NDUFS1: variants seen among roughly 807,000 people sequenced by gnomAD.
NDUFS1 encodes NADH:ubiquinone oxidoreductase core subunit S1, also known as NADH-ubiquinone oxidoreductase 75 kDa subunit, mitochondrial.
In NDUFS1, 61 loss-of-function variants were observed where a neutral mutation model predicts 84.4. That is an observed-to-expected ratio of 0.72 (90% CI 0.59 to 0.89). NDUFS1 has a LOEUF of 0.89. Ranked by LOEUF, NDUFS1 falls within the 40% of genes least tolerant of loss-of-function variation. The pLI is 0.00. For synonymous variants in NDUFS1, 275 were observed against 290.0 expected (o/e 0.95, Z 0.53); for missense variants, 891 against 890.0 (o/e 1.00, Z -0.01).
At chr2:206,153,710 T>C (rs773469772) in intron 1 of NDUFS1, 28 bp from the exon 2 acceptor site, 12 of 1,244,028 alleles carry the variant, frequency 9.6e-6, no homozygotes, top group Middle Eastern at 2.3e-4. Context: ...AATTATATTA[T>C]TGTAGGGAAA....
intron 10 of NDUFS1, among the ~76,000 whole-genome samples, chr2:206,143,586 C>CTT (rs202112175): frequency 4.1e-5 from 6 of 144,738 alleles, no homozygotes; most frequent in Non-Finnish European, 7.6e-5. Flanking sequence ...AGGAAGGCAG[C>CTT]TTTTTTTTTT....
chr2:206,145,337 G>A (rs1256794807), intron 8 of NDUFS1, among the ~76,000 whole-genome samples: 1 of 151,978 alleles, frequency 6.6e-6, no homozygotes, highest in African/African-American at 2.4e-5. Context: ...TGCTGACCAG[G>A]CTGGTCTTGA....
chr2:206,115,115 C>G lies in NDUFS1; in HGVS notation c.*9070G>C, dbSNP rs1286655380. Reference sequence around the variant, plus strand: ...GTACATCCTTTGTCTCATGATGAATCATGCCTTGAGTCTCACTCATATCTG... The same window carrying G: ...GTACATCCTTTGTCTCATGATGAATGATGCCTTGAGTCTCACTCATATCTG... On this transcript the variant is annotated 3_prime_UTR_variant, in exon 19 of 19. Transcript: ENST00000233190. The G allele has an allele frequency of 6.6e-6, 1 of 152,184 alleles. No individual in the cohort carries two copies. The highest frequency in any genetic ancestry group is 1.5e-5 in the Non-Finnish European group (1 of 68,046). 9.4% of individuals were successfully genotyped at this position (152,184 alleles called of 1,614,324 possible). A position where few individuals can be genotyped will look rare whatever the true frequency, so the allele number is the denominator to read the frequency against.
At chr2:206,132,317 C>T (rs2105951740) in intron 14 of NDUFS1, among the ~76,000 whole-genome samples, 1 of 151,746 alleles carries the variant, frequency 6.6e-6, no homozygotes, top group East Asian at 2.0e-4. Context: ...GGTGCAGTGG[C>T]TCACGCTTAT....
At chr2:206,144,293 GAACT>G (rs1227970430) in intron 9 of NDUFS1, among the ~76,000 whole-genome samples, 161 bp from the exon 10 acceptor site, 1 of 152,100 alleles carries the variant, frequency 6.6e-6, no homozygotes, top group Non-Finnish European at 1.5e-5. Flanking sequence ...TTTTAGAGAT[GAACT>G]AATAGATTTT....
At chr2:206,127,144 T>G (rs1408829650) in intron 16 of NDUFS1, among the ~76,000 whole-genome samples, 2 of 152,256 alleles carry the variant, frequency 1.3e-5, no homozygotes, top group Non-Finnish European at 2.9e-5. Context: ...CAATGTGTTA[T>G]TATTTTAAAA....
chr2:206,115,986 A>G lies in NDUFS1; in HGVS notation c.*8199T>C, dbSNP rs1690933543. The G allele has an allele frequency of 1.4e-6, 1 of 721,962 alleles. No homozygotes were observed. The highest frequency in any genetic ancestry group is 2.6e-6 in the Non-Finnish European group (1 of 388,144). The allele number at this position is 721,962 out of a possible 1,614,324, so 44.7% of individuals were successfully genotyped here. A position where few individuals can be genotyped will look rare whatever the true frequency, so the allele number is the denominator to read the frequency against. ...ATCTTCTTTCATTAGCAGTGTTAAC[A>G]GTAGTTTTTTTTTCCCATGGGTAAT... On this transcript the variant is annotated 3_prime_UTR_variant, in exon 19 of 19. Coordinates refer to ENST00000233190, the MANE Select transcript of NDUFS1 (RefSeq NM_005006.7).
rs930189429 is a variant in NDUFS1 at position 206,117,418 on chromosome 2, T to C, written c.*6767A>G. On this transcript the variant is annotated 3_prime_UTR_variant, in exon 19 of 19. Coordinates refer to ENST00000233190, the MANE Select transcript of NDUFS1 (RefSeq NM_005006.7). ...CTTGGGTAATGTACTTGACACACAG[T>C]AGATACTCTGCAAAAAAATTTTGTT... 1 of 152,230 alleles carries C rather than the reference T, an allele frequency of 6.6e-6. No homozygotes were observed. Among genetic ancestry groups the C allele is most frequent in the African/African-American group, 2.4e-5 (1 of 41,464 alleles). The allele number at this position is 152,230 out of a possible 1,614,324, so 9.4% of individuals were successfully genotyped here.
chr2:206,124,877 G>A (rs1372320919), intron 18 of NDUFS1, among the ~76,000 whole-genome samples: 1 of 151,780 alleles, frequency 6.6e-6, no homozygotes, highest in African/African-American at 2.4e-5. Context: ...GGAAAAATGT[G>A]TACAATACTA....
rs1006521759 is a variant in NDUFS1 at position 206,120,787 on chromosome 2, A to C, written c.*3398T>G. On this transcript the variant is annotated 3_prime_UTR_variant, in exon 19 of 19. Transcript: ENST00000233190. ...CTAGTCATGTGGCAGAGAAGGAAAA[A>C]GCACTTTGAGGAGAGGAATACAAGC... 1.3e-5 allele frequency: 2 copies of C among 152,240 alleles called. No homozygotes were observed. The highest frequency in any genetic ancestry group is 3.8e-4 in the East Asian group (2 of 5,198). The allele number at this position is 152,240 out of a possible 1,614,324, so 9.4% of individuals were successfully genotyped here. A position where few individuals can be genotyped will look rare whatever the true frequency, so the allele number is the denominator to read the frequency against.
In NDUFS1 at chr2:206,147,568, T is replaced by C. The variant is rs2105974841; in HGVS notation, c.514A>G (p.Ile172Val). 1 of 1,614,210 alleles carries C rather than the reference T, an allele frequency of 6.2e-7. No individual in the cohort carries two copies. The highest frequency in any genetic ancestry group is 1.1e-5 in the South Asian group (1 of 91,084). ...GTACACTGTATACATCTTGTCATGATGGTCTTTACCAATGGCCCAATGTTC... is the reference window on the plus strand; with the variant it reads ...GTACACTGTATACATCTTGTCATGACGGTCTTTACCAATGGCCCAATGTTC... ...DKNIGPLVKT[I>V]MTRCIQCTRC... Residue 172 changes from isoleucine to valine, a missense_variant, in exon 7 of 19, where the codon ATC becomes GTC. By Grantham distance (29) the Ile-to-Val change is conservative (BLOSUM62 3). Coordinates refer to ENST00000233190, the MANE Select transcript of NDUFS1 (RefSeq NM_005006.7).
chr2:206,145,553 T>C (rs1351913980), intron 8 of NDUFS1, among the ~76,000 whole-genome samples: 2 of 152,114 alleles, frequency 1.3e-5, no homozygotes, highest in Admixed American at 6.6e-5. Context: ...AGGGGCAGGA[T>C]TTCTGTCTAT....
In NDUFS1 at chr2:206,159,414, C is replaced by T; in HGVS notation, c.-78G>A. 1 of 494,518 alleles carries T rather than the reference C, an allele frequency of 2.0e-6. No individual in the cohort carries two copies. The highest frequency in any genetic ancestry group is 2.9e-5 in the South Asian group (1 of 34,294). The allele number at this position is 494,518 out of a possible 1,614,324, so 30.6% of individuals were successfully genotyped here. A position where few individuals can be genotyped will look rare whatever the true frequency, so the allele number is the denominator to read the frequency against. On this transcript the variant is annotated 5_prime_UTR_variant, in exon 1 of 19. Coordinates refer to ENST00000233190, the MANE Select transcript of NDUFS1 (RefSeq NM_005006.7). Reference sequence around the variant, plus strand: ...GACGACCCCCTAGGAGGCCGGGTCGCTTATTCAATATGGCGGCCTCGGCTA... The same window carrying T: ...GACGACCCCCTAGGAGGCCGGGTCGTTTATTCAATATGGCGGCCTCGGCTA...
At chr2:206,126,983 T>C (rs1691318467) in intron 16 of NDUFS1, 139 bp from the exon 17 acceptor site, 2 of 1,045,490 alleles carry the variant, frequency 1.9e-6, no homozygotes, top group African/African-American at 1.6e-5. Context: ...CATACATTTA[T>C]GAAGGAAGCA....
rs1328457041 is a variant in NDUFS1, at chr2:206,133,057, G to C, written c.1441C>G (p.Leu481Val). 1 of 1,613,442 alleles carries C rather than the reference G, an allele frequency of 6.2e-7. No homozygotes were observed. Among genetic ancestry groups the C allele is most frequent in the Non-Finnish European group, 8.5e-7 (1 of 1,179,760 alleles). The change falls in exon 14 of 19, where the codon CTC (leucine) becomes GTC (valine). Residue 481 changes from leucine (L) to valine (V), a missense_variant. By Grantham distance (32) the Leu-to-Val change is conservative (BLOSUM62 1). Coordinates refer to ENST00000233190, the MANE Select transcript of NDUFS1 (RefSeq NM_005006.7). ...ATTGCTGCTCCATCATTTCTTTGGA[G>C]TGCAGAACTGCCTAAAACCACCATT... is the stretch of plus-strand genomic sequence containing the variant. ...KPMVVLGSSA[L>V]QRNDGAAILA...
intron 14 of NDUFS1, among the ~76,000 whole-genome samples, chr2:206,130,520 A>G (rs1273730390): frequency 6.6e-6 from 1 of 152,030 alleles, no homozygotes; most frequent in Non-Finnish European, 1.5e-5. Context: ...ACACCCGGCT[A>G]ATTTTTGTAT....
chr2:206,143,432 C>T (rs902140890), intron 10 of NDUFS1, among the ~76,000 whole-genome samples: 4 of 152,150 alleles, frequency 2.6e-5, no homozygotes, highest in African/African-American at 9.7e-5. Context: ...CTATAGTTAC[C>T]TTAAATGCGA....
intron 3 of NDUFS1, among the ~76,000 whole-genome samples, 196 bp downstream of exon 3, chr2:206,152,223 C>A (rs964561803): frequency 6.6e-6 from 1 of 152,112 alleles, no homozygotes; most frequent in Non-Finnish European, 1.5e-5. Context: ...TACCATAATT[C>A]ACTAAAAATG....
intron 1 of NDUFS1, among the ~76,000 whole-genome samples, chr2:206,158,027 G>C (rs903526834): frequency 6.7e-6 from 1 of 149,594 alleles, no homozygotes; most frequent in Non-Finnish European, 1.5e-5. Context: ...GCAGCGGAGC[G>C]ATCTCGGCTC....
Sources: allele counts gnomAD v4.1 joint callset (sites outside exome capture counted in the v4.1 genomes callset), GRCh38; gene constraint gnomAD v4.1.1; transcripts MANE v1.5; gene names NCBI Gene and HGNC (gene_info 2026-07-23, HGNC 2026-07-21).